The following HS3ST5 variants were observed in gnomAD, a reference collection of about 807,000 sequenced individuals.
The protein encoded by HS3ST5 is heparan sulfate glucosamine 3-O-sulfotransferase 5.
HS3ST5 carries 10 observed loss-of-function variants against 25.4 expected under a neutral mutation model. The ratio of observed to expected loss-of-function variants is 0.39; its 90% confidence interval spans 0.24 to 0.67. The LOEUF (loss-of-function observed/expected upper bound fraction) is 0.67. Among genes scored for constraint, HS3ST5 ranks in the 30% least tolerant of loss-of-function variants. The pLI is 0.44. For missense variants in HS3ST5, 324 were observed against 420.7 expected (o/e 0.77, Z 2.01); for synonymous variants, 170 against 162.4 (o/e 1.05, Z -0.36).
intron 1 of HS3ST5, among the ~76,000 whole-genome samples, chr6:114,251,045 C>A (rs1249429014): frequency 6.6e-6 from 1 of 152,132 alleles, no homozygotes; most frequent in Non-Finnish European, 1.5e-5. Flanking sequence ...AGCACTAAAA[C>A]CTAAGTTCCA....
intron 1 of HS3ST5, among the ~76,000 whole-genome samples, chr6:114,231,110 T>G (rs1360905699): frequency 6.6e-6 from 1 of 152,116 alleles, no homozygotes; most frequent in Non-Finnish European, 1.5e-5. Context: ...ACCATCCCCT[T>G]GGTACTGTTC....
chr6:114,121,039 G>T (rs958575828), intron 3 of HS3ST5, among the ~76,000 whole-genome samples: 13 of 152,304 alleles, frequency 8.5e-5, no homozygotes, highest in African/African-American at 3.1e-4. Context: ...GTGCTGAATT[G>T]CTTCCCTATG....
At chr6:114,127,931 G>A (rs1777132024) in intron 3 of HS3ST5, among the ~76,000 whole-genome samples, 1 of 150,150 alleles carries the variant, frequency 6.7e-6, no homozygotes, top group Non-Finnish European at 1.5e-5. Context: ...TATATATGGA[G>A]AAATTTATAT....
At position 114,166,351 on chromosome 6, in the gene HS3ST5, C is replaced by T. The variant is rs536011508; in HGVS notation, c.-33+2000G>A. On this transcript the variant is annotated intron_variant, in intron 3 of 4. Coordinates refer to ENST00000312719, the MANE Select transcript of HS3ST5 (RefSeq NM_153612.4). ...GTACTTCACATGCACAAAGAAATAG[C>T]AGCAGCCAAGGAACTTTGCAAGTGA... is the stretch of plus-strand genomic sequence containing the variant. Among the ~76,000 whole-genome samples, 9 of 152,288 alleles carry T rather than the reference C, an allele frequency of 5.9e-5. No homozygotes were observed. The South Asian group carries it at 1.9e-3, about 32-fold the overall frequency.
chr6:114,200,712 G>T (rs1462473683), intron 2 of HS3ST5, among the ~76,000 whole-genome samples: 1 of 152,038 alleles, frequency 6.6e-6, no homozygotes, highest in East Asian at 1.9e-4. Flanking sequence ...TCTATTTAAG[G>T]TTTTATAAGA....
intron 1 of HS3ST5, among the ~76,000 whole-genome samples, chr6:114,328,233 AGAAG>A (rs1425890777): frequency 6.6e-6 from 1 of 151,302 alleles, no homozygotes; most frequent in East Asian, 2.1e-4. Flanking sequence ...AAAGAAGGAA[AGAAG>A]GAAGGAAAGA....
intron 3 of HS3ST5, among the ~76,000 whole-genome samples, chr6:114,133,667 A>AAG (rs1777457789): frequency 6.6e-6 from 1 of 152,222 alleles, no homozygotes; most frequent in South Asian, 2.1e-4. Context: ...CCAAAAATAT[A>AAG]AGAAAAATAA....
At chr6:114,134,318 G>A (rs1398459869) in intron 3 of HS3ST5, among the ~76,000 whole-genome samples, 5 of 152,170 alleles carry the variant, frequency 3.3e-5, no homozygotes, top group African/African-American at 4.8e-5. Flanking sequence ...GTCAGGGGAG[G>A]TTAAATAATT....
At chr6:114,244,345 T>A (rs1772283355) in intron 1 of HS3ST5, among the ~76,000 whole-genome samples, 1 of 152,222 alleles carries the variant, frequency 6.6e-6, no homozygotes, top group Non-Finnish European at 1.5e-5. Flanking sequence ...GGACAGAATG[T>A]TCAGGACCTA....
chr6:114,290,177 A>C (rs1483367372), intron 1 of HS3ST5, among the ~76,000 whole-genome samples: 1 of 152,130 alleles, frequency 6.6e-6, no homozygotes, highest in Non-Finnish European at 1.5e-5. Context: ...TTTCTATTGT[A>C]ATTACATTTT....
intron 1 of HS3ST5, among the ~76,000 whole-genome samples, chr6:114,290,407 G>T (rs559481066): frequency 9.9e-5 from 15 of 152,190 alleles, no homozygotes; most frequent in Admixed American, 4.6e-4. Context: ...CTTCTTTAAA[G>T]ATGTCATGGT....
intron 1 of HS3ST5, among the ~76,000 whole-genome samples, chr6:114,274,743 G>C (rs940276894): frequency 6.6e-6 from 1 of 152,040 alleles, no homozygotes; most frequent in African/African-American, 2.4e-5. Context: ...ATGGCTTTAA[G>C]AGTGGTTGCA....
intron 1 of HS3ST5, among the ~76,000 whole-genome samples, chr6:114,283,302 T>C (rs1349478228): frequency 1.3e-5 from 2 of 151,866 alleles, no homozygotes; most frequent in African/African-American, 4.8e-5. Flanking sequence ...AAAATCACCA[T>C]CAAGATGATA....
At chr6:114,084,477 G>T in intron 3 of HS3ST5, 3 of 757,716 alleles carry the variant, frequency 4.0e-6, no homozygotes, top group South Asian at 2.7e-5. Context: ...CCTCCCGCGG[G>T]TATTCACGGG....
chr6:114,153,879 G>A (rs190408890), intron 3 of HS3ST5, among the ~76,000 whole-genome samples: 1 of 152,194 alleles, frequency 6.6e-6, no homozygotes, highest in African/African-American at 2.4e-5. Flanking sequence ...ATGCAGAAAG[G>A]TCAAGATTAT....
intron 1 of HS3ST5, among the ~76,000 whole-genome samples, chr6:114,319,685 T>G (rs1037865276): frequency 2.0e-5 from 3 of 152,136 alleles, no homozygotes; most frequent in African/African-American, 4.8e-5. Context: ...TATTTTTTCT[T>G]GTGATTGAAT....
chr6:114,309,907 C>T (rs2114840064), intron 1 of HS3ST5, among the ~76,000 whole-genome samples: 1 of 152,222 alleles, frequency 6.6e-6, no homozygotes, highest in South Asian at 2.1e-4. Flanking sequence ...GGGCTCTTTT[C>T]CAACTTTGAT....
At chr6:114,134,702 G>T (rs1418444144) in intron 3 of HS3ST5, among the ~76,000 whole-genome samples, 1 of 152,202 alleles carries the variant, frequency 6.6e-6, no homozygotes, top group East Asian at 1.9e-4. Context: ...AACAAGGGCT[G>T]CTGGAAAGCA....
At chr6:114,171,725 C>T (rs1779481981) in intron 2 of HS3ST5, among the ~76,000 whole-genome samples, 1 of 152,114 alleles carries the variant, frequency 6.6e-6, no homozygotes, top group Admixed American at 6.6e-5. Flanking sequence ...CACAGTGCTG[C>T]CCCTTACTGT....
Sources: allele counts gnomAD v4.1 joint callset (sites outside exome capture counted in the v4.1 genomes callset), GRCh38; gene constraint gnomAD v4.1.1; transcripts MANE v1.5; gene names NCBI Gene and HGNC (gene_info 2026-07-23, HGNC 2026-07-21).